Variants in MTUS2 observed in about 807,000 individuals in gnomAD.
The protein encoded by MTUS2 is microtubule-associated tumor suppressor candidate 2.
MTUS2 carries 40 observed loss-of-function variants against 114.1 expected under a neutral mutation model. The observed-to-expected ratio is 0.35, with a 90% confidence interval of 0.27 to 0.46. The LOEUF (loss-of-function observed/expected upper bound fraction) is 0.46. MTUS2 is among the 20% of genes least tolerant of loss of function. MTUS2 has a pLI of 1.00. For missense variants in MTUS2, 1,679 were observed against 1,705.4 expected (o/e 0.98, Z 0.27); for synonymous variants, 688 against 672.0 (o/e 1.02, Z -0.37).
chr13:28,946,302 T>C (rs36102797), intron 2 of MTUS2, among the ~76,000 whole-genome samples: 19,202 of 108,828 alleles, frequency 0.18, 2,016 homozygotes, highest in African/African-American at 0.4. Context: ...TGTGTGTGTG[T>C]GTGCGCGCGC....
At chr13:28,878,316 T>C (rs1593265430) in intron 2 of MTUS2, among the ~76,000 whole-genome samples, 2 of 152,102 alleles carry the variant, frequency 1.3e-5, no homozygotes, top group South Asian at 4.2e-4. Flanking sequence ...TACACACACA[T>C]ATACATTTTT....
intron 2 of MTUS2, among the ~76,000 whole-genome samples, chr13:28,893,028 A>G (rs1030258595): frequency 2.6e-5 from 4 of 152,240 alleles, no homozygotes; most frequent in Non-Finnish European, 5.9e-5. Flanking sequence ...GTCTGCAGAC[A>G]GGATGGCCTT....
At chr13:29,341,580 C>T (rs1174215637) in intron 7 of MTUS2, among the ~76,000 whole-genome samples, 3 of 152,110 alleles carry the variant, frequency 2.0e-5, no homozygotes, top group Admixed American at 6.5e-5. Context: ...GATTTTCTCC[C>T]ACTCTGAGGG....
chr13:28,991,142 C>T (rs1664035200), intron 2 of MTUS2, among the ~76,000 whole-genome samples: 1 of 152,166 alleles, frequency 6.6e-6, no homozygotes, highest in South Asian at 2.1e-4. Context: ...CCAGTGCATG[C>T]TTGAGGGCTA....
At chr13:28,999,232 C>T (rs914350216) in intron 2 of MTUS2, among the ~76,000 whole-genome samples, 9 of 152,136 alleles carry the variant, frequency 5.9e-5, no homozygotes, top group African/African-American at 2.2e-4. Context: ...AATGCTGCTG[C>T]CTGATCGTTC....
intron 6 of MTUS2, among the ~76,000 whole-genome samples, chr13:29,320,552 C>G (rs1900211197): frequency 6.6e-6 from 1 of 152,116 alleles, no homozygotes. Context: ...GCTGAGACAC[C>G]CAGGGTCACA....
intron 7 of MTUS2, among the ~76,000 whole-genome samples, chr13:29,346,462 C>A (rs1458872516): frequency 6.6e-6 from 1 of 151,882 alleles, no homozygotes; most frequent in African/African-American, 2.4e-5. Flanking sequence ...TGCTGGGTCA[C>A]GCAGGTTGCC....
At chr13:29,021,649 C>A (rs1886295801) in intron 2 of MTUS2, among the ~76,000 whole-genome samples, 1 of 152,194 alleles carries the variant, frequency 6.6e-6, no homozygotes, top group Non-Finnish European at 1.5e-5. Context: ...TATTTATGAA[C>A]TTTCTTGCCC....
At chr13:29,281,894 A>G (rs570924158) in intron 6 of MTUS2, 29 bp downstream of exon 6, 2 of 1,545,128 alleles carry the variant, frequency 1.3e-6, no homozygotes, top group East Asian at 2.3e-5. Context: ...GAGAGGCTCC[A>G]TGGTGGAGTG....
intron 8 of MTUS2, among the ~76,000 whole-genome samples, chr13:29,387,323 G>A (rs1169370387): frequency 1.3e-5 from 2 of 152,168 alleles, no homozygotes; most frequent in South Asian, 4.1e-4. Context: ...GATGCGGATT[G>A]CAAGTGGCGG....
rs752848300 is a variant in MTUS2, at chr13:29,359,291, C to G, written c.2935C>G (p.Arg979Gly). Reference sequence around the variant, plus strand: ...CCCAAAGCAGAGGACTGCGGCAGCTCGAAATGGGTTTCCGCCCAAGCCGGA... The same window carrying G: ...CCCAAAGCAGAGGACTGCGGCAGCTGGAAATGGGTTTCCGCCCAAGCCGGA... The part of the protein sequence containing the change: ...GYPKQRTAAA[R>G]NGFPPKPDPQ... Residue 979 changes from arginine to glycine, a missense_variant, in exon 8 of 16, where the codon CGA (arginine) becomes GGA (glycine). By Grantham distance (125) the Arg-to-Gly change is moderately radical. Coordinates refer to ENST00000612955, the MANE Select transcript of MTUS2 (RefSeq NM_001033602.4). 6.2e-7 allele frequency: 1 copy of G among 1,605,602 alleles called. No homozygotes were observed. The highest frequency in any genetic ancestry group is 1.7e-5 in the Admixed American group (1 of 58,624).
At chr13:28,862,512 C>G (rs1877054170) in intron 2 of MTUS2, among the ~76,000 whole-genome samples, 1 of 152,190 alleles carries the variant, frequency 6.6e-6, no homozygotes, top group Non-Finnish European at 1.5e-5. Flanking sequence ...ACTTGGGAGA[C>G]TGAGGCGGGA....
At chr13:29,407,763 G>A (rs990278211) in intron 8 of MTUS2, among the ~76,000 whole-genome samples, 1 of 152,050 alleles carries the variant, frequency 6.6e-6, no homozygotes, top group Non-Finnish European at 1.5e-5. Context: ...ACGGGCATAA[G>A]CCACCACGCC....
At chr13:28,949,816 C>T (rs1882721278) in intron 2 of MTUS2, among the ~76,000 whole-genome samples, 1 of 150,352 alleles carries the variant, frequency 6.7e-6, no homozygotes, top group African/African-American at 2.5e-5. Context: ...GAATGATATT[C>T]CACTGTAAAG....
chr13:28,902,881 T>C (rs918011146), intron 2 of MTUS2, among the ~76,000 whole-genome samples: 1 of 152,308 alleles, frequency 6.6e-6, no homozygotes, highest in East Asian at 1.9e-4. Flanking sequence ...CTGGAAGATA[T>C]TGTATAAAAT....
At chr13:29,016,000 G>C (rs916110971) in intron 2 of MTUS2, among the ~76,000 whole-genome samples, 5 of 152,098 alleles carry the variant, frequency 3.3e-5, no homozygotes, top group African/African-American at 1.2e-4. Context: ...CGCCTCCTGG[G>C]TTCAAGCAAT....
chr13:29,150,931 G>A (rs12872060), intron 5 of MTUS2, among the ~76,000 whole-genome samples: 21,830 of 152,184 alleles, frequency 0.14, 1,849 homozygotes, highest in East Asian at 0.29. Context: ...GAATCATGCT[G>A]TTTTGGTTAC....
At chr13:29,311,151 C>CA (rs1216914786) in intron 6 of MTUS2, among the ~76,000 whole-genome samples, 2 of 152,266 alleles carry the variant, frequency 1.3e-5, no homozygotes, top group Non-Finnish European at 2.9e-5. Context: ...TCATCCACGT[C>CA]AAGTTTGTAA....
chr13:29,000,923 G>C (rs1885356332), intron 2 of MTUS2, among the ~76,000 whole-genome samples: 1 of 152,182 alleles, frequency 6.6e-6, no homozygotes, highest in African/African-American at 2.4e-5. Flanking sequence ...TGCAGCCAGA[G>C]CTCTGTTCCC....
Sources: allele counts gnomAD v4.1 joint callset (sites outside exome capture counted in the v4.1 genomes callset), GRCh38; gene constraint gnomAD v4.1.1; transcripts MANE v1.5; gene names NCBI Gene and HGNC (gene_info 2026-07-23, HGNC 2026-07-21).